ANGPTL3: variants seen among roughly 807,000 people sequenced by gnomAD.
The protein encoded by ANGPTL3 is angiopoietin-related protein 3.
ANGPTL3 carries 51 observed loss-of-function variants against 52.7 expected under a neutral mutation model. That is an observed-to-expected ratio of 0.97 (90% confidence interval 0.77 to 1.22). The LOEUF is 1.22. ANGPTL3 is among the 50% of genes most tolerant of loss of function. The pLI is 0.00. For missense variants in ANGPTL3, 506 were observed against 520.7 expected (o/e 0.97, Z 0.27); for synonymous variants, 185 against 179.8 (o/e 1.03, Z -0.23).
In ANGPTL3 at chr1:62,606,184, T is replaced by C. The variant is rs1650953862; in HGVS notation, c.*1367T>C. On this transcript the variant is annotated 3_prime_UTR_variant, in exon 7 of 7. Coordinates refer to ENST00000371129, the MANE Select transcript of ANGPTL3 (RefSeq NM_014495.4). ...ATTTTCAGGACCACAGACTAAGCTG[T>C]CGAAATTAACGCTGATTTTTTTAGG... 6.6e-6 allele frequency: 1 copy of C among 152,052 alleles called. No homozygotes were observed. The highest frequency in any genetic ancestry group is 6.6e-5 in the Admixed American group (1 of 15,260). 9.4% of individuals were successfully genotyped at this position (152,052 alleles called of 1,614,324 possible).
chr1:62,597,614 C>T lies in ANGPTL3; in HGVS notation c.48C>T (p.Ser16=), dbSNP rs1649450548. 1.9e-6 allele frequency: 3 copies of T among 1,612,856 alleles called. No individual in the cohort carries two copies. The highest frequency in any genetic ancestry group is 1.7e-5 in the Admixed American group (1 of 59,846). The part of the protein sequence containing the change: ...LLLFIVPLVI[S]SRIDQDNSSF... ...TTTTTATTGTTCCTCTAGTTATTTC[C>T]TCCAGAATTGATCAAGACAATTCAT... Residue 16 remains serine (S), a synonymous_variant, in exon 1 of 7, where the codon TCC becomes TCT. Transcript: ENST00000371129.
chr1:62,604,329 C>A, intron 6 of ANGPTL3, 94 bp downstream of exon 6: 1 of 1,485,386 alleles, frequency 6.7e-7, no homozygotes, highest in South Asian at 1.2e-5. Flanking sequence ...TTTTAAAAAT[C>A]CGAATCCCAA....
intron 5 of ANGPTL3, among the ~76,000 whole-genome samples, chr1:62,603,371 TTTG>T (rs1254160233): frequency 1.1e-4 from 16 of 151,836 alleles, no homozygotes; most frequent in African/African-American, 2.2e-4. Context: ...TCTATTTATA[TTTG>T]TTATTTGTTT....
intron 5 of ANGPTL3, 79 bp downstream of exon 5, chr1:62,602,459 T>TTACTG: frequency 8.1e-7 from 1 of 1,239,978 alleles, no homozygotes; most frequent in South Asian, 1.2e-5. Context: ...GACCAGGTAT[T>TTACTG]AGGAAAAGTA....
chr1:62,601,945 GA>G, intron 4 of ANGPTL3, 63 bp downstream of exon 4: 2 of 970,786 alleles, frequency 2.1e-6, no homozygotes, highest in East Asian at 4.8e-5. Flanking sequence ...GTATTAGGAA[GA>G]TTAACCTGGT....
intron 4 of ANGPTL3, 121 bp from the exon 5 acceptor site, chr1:62,602,164 C>T (rs1026012526): frequency 5.0e-6 from 4 of 799,764 alleles, no homozygotes; most frequent in Non-Finnish European, 8.1e-6. Flanking sequence ...AAATGTATTG[C>T]CATAACATTA....
intron 6 of ANGPTL3, 179 bp from the exon 7 acceptor site, chr1:62,604,454 A>T: frequency 1.1e-6 from 1 of 901,512 alleles, no homozygotes; most frequent in Non-Finnish European, 1.7e-6. Context: ...TTGGTAGTGT[A>T]TAGATTATTT....
chr1:62,602,687 AAGT>A (rs1215330423), intron 5 of ANGPTL3, among the ~76,000 whole-genome samples: 1 of 151,720 alleles, frequency 6.6e-6, no homozygotes, highest in African/African-American at 2.4e-5. Flanking sequence ...GTTATGTCAT[AAGT>A]AGTAACTGTT....
intron 4 of ANGPTL3, 128 bp downstream of exon 4, chr1:62,602,010 A>C: frequency 1.6e-6 from 1 of 627,852 alleles, no homozygotes; most frequent in Non-Finnish European, 2.8e-6. Flanking sequence ...TCGTATAAAT[A>C]TAATACTTTT....
Position 62,597,984 on chromosome 1 carries a change from T to C in ANGPTL3, c.418T>C (p.Tyr140His), listed in dbSNP as rs754954896. 1.3e-6 allele frequency: 2 copies of C among 1,561,758 alleles called. No homozygotes were observed. Among genetic ancestry groups the C allele is most frequent in the East Asian group, 4.5e-5 (2 of 44,358 alleles). Residue 140 changes from tyrosine (Y) to histidine (H), a missense_variant, in exon 1 of 7, where the codon TAT (tyrosine) becomes CAT (histidine). Coordinates refer to ENST00000371129, the MANE Select transcript of ANGPTL3 (RefSeq NM_014495.4). Reference sequence around the variant, plus strand: ...AATTCTACTTCAACAAAAAGTGAAATATTTAGAAGAGCAACTAACTAACTT... The same window carrying C: ...AATTCTACTTCAACAAAAAGTGAAACATTTAGAAGAGCAACTAACTAACTT... The part of the protein sequence containing the change: ...EKILLQQKVK[Y>H]LEEQLTNLIQ...
In ANGPTL3 at chr1:62,597,873, A is replaced by G; in HGVS notation, c.307A>G (p.Thr103Ala). 6.3e-7 allele frequency: 1 copy of G among 1,585,926 alleles called. No individual in the cohort carries two copies. Among genetic ancestry groups the G allele is most frequent in the South Asian group, 1.2e-5 (1 of 85,242 alleles). The stretch of plus-strand genomic sequence containing the variant: ...AGAAGAAAAGGAACTGAGAAGAACT[A>G]CATATAAACTACAAGTCAAAAATGA... ...KEEEKELRRT[T>A]YKLQVKNEEV... Residue 103 changes from threonine to alanine, a missense_variant, in exon 1 of 7, where the codon ACA becomes GCA. Thr to Ala is a moderately conservative substitution (Grantham distance 58, BLOSUM62 0). Transcript: ENST00000371129.
At chr1:62,600,010 T>C (rs540479324) in intron 2 of ANGPTL3, among the ~76,000 whole-genome samples, 125 of 152,110 alleles carry the variant, frequency 8.2e-4, no homozygotes, top group African/African-American at 2.9e-3. Flanking sequence ...CAAATATTAT[T>C]ACCAATTTCC....
In ANGPTL3 at chr1:62,604,989, ACC is replaced by A; in HGVS notation, c.*173_*174del. The stretch of plus-strand genomic sequence containing the variant: ...ATACAATCACATAACCTTAAAGAAT[ACC>A]GTTTACATTTCTCAATCAAAATTCT... On this transcript the variant is annotated 3_prime_UTR_variant, in exon 7 of 7. Coordinates refer to ENST00000371129, the MANE Select transcript of ANGPTL3 (RefSeq NM_014495.4). 1.6e-6 allele frequency: 1 copy of A among 641,104 alleles called. No individual in the cohort carries two copies. Among genetic ancestry groups the A allele is most frequent in the South Asian group, 2.2e-5 (1 of 46,014 alleles). The allele number at this position is 641,104 out of a possible 1,614,324, so 39.7% of individuals were successfully genotyped here.
In ANGPTL3 at chr1:62,604,750, G is replaced by T; in HGVS notation, c.1316G>T (p.Gly439Val). 2 of 1,613,096 alleles carry T rather than the reference G, an allele frequency of 1.2e-6. No individual in the cohort carries two copies. The highest frequency in any genetic ancestry group is 1.7e-4 in the Middle Eastern group (1 of 6,054). The change falls in exon 7 of 7, where the codon GGA becomes GTA. Residue 439 changes from glycine (G) to valine (V), a missense_variant. Physicochemically the swap from Gly to Val is moderately radical, Grantham distance 109. Coordinates refer to ENST00000371129, the MANE Select transcript of ANGPTL3 (RefSeq NM_014495.4). ...GGATTATCTTGGAAGTCTCAAAATG[G>T]AAGGTTATACTCTATAAAATCAACC... ...RRGLSWKSQN[G>V]RLYSIKSTKM...
In ANGPTL3 at chr1:62,597,677, T is replaced by C. The variant is rs756096244; in HGVS notation, c.111T>C (p.Phe37=). 1.2e-6 allele frequency: 2 copies of C among 1,613,454 alleles called. No homozygotes were observed. The highest frequency in any genetic ancestry group is 2.7e-5 in the African/African-American group (2 of 74,906). ...DSLSPEPKSR[F]AMLDDVKILA... Reference sequence around the variant, plus strand: ...TATCTCCAGAGCCAAAATCAAGATTTGCTATGTTAGACGATGTAAAAATTT... The same window carrying C: ...TATCTCCAGAGCCAAAATCAAGATTCGCTATGTTAGACGATGTAAAAATTT... Residue 37 remains phenylalanine (F), a synonymous_variant, in exon 1 of 7, where the codon TTT becomes TTC. Coordinates refer to ENST00000371129, the MANE Select transcript of ANGPTL3 (RefSeq NM_014495.4).
rs369364557 is a variant in ANGPTL3 at position 62,604,630 on chromosome 1, T to C, written c.1199-3T>C. On this transcript the variant is annotated splice_region_variant and splice_polypyrimidine_tract_variant and intron_variant, in intron 6 of 6. Coordinates refer to ENST00000371129, the MANE Select transcript of ANGPTL3 (RefSeq NM_014495.4). Reference sequence around the variant, plus strand: ...CATTAAATTGCATATCTATCTCCTTTAGGAGGCTGGTGGTGGCATGATGAG... The same window carrying C: ...CATTAAATTGCATATCTATCTCCTTCAGGAGGCTGGTGGTGGCATGATGAG... The C allele has an allele frequency of 3.1e-6, 5 of 1,612,902 alleles. No individual in the cohort carries two copies. Among genetic ancestry groups the C allele is most frequent in the Non-Finnish European group, 4.2e-6 (5 of 1,179,150 alleles).
intron 6 of ANGPTL3, 37 bp downstream of exon 6, chr1:62,604,272 C>T (rs773596516): frequency 1.2e-6 from 2 of 1,605,306 alleles, no homozygotes; most frequent in South Asian, 2.2e-5. Flanking sequence ...ATTTTCATAT[C>T]TTCAAAGTAT....
chr1:62,597,662 G>T lies in ANGPTL3; in HGVS notation c.96G>T (p.Glu32Asp). Residue 32 changes from glutamate to aspartate, a missense_variant, in exon 1 of 7, where the codon GAG (glutamate) becomes GAT (aspartate). Transcript: ENST00000371129. ...CATCATTTGATTCTCTATCTCCAGAGCCAAAATCAAGATTTGCTATGTTAG... is the reference window on the plus strand; with the variant it reads ...CATCATTTGATTCTCTATCTCCAGATCCAAAATCAAGATTTGCTATGTTAG... ...DNSSFDSLSP[E>D]PKSRFAMLDD... 6.2e-7 allele frequency: 1 copy of T among 1,613,358 alleles called. No individual in the cohort carries two copies.
At position 62,601,850 on chromosome 1, in the gene ANGPTL3, A is replaced by G; in HGVS notation, c.803A>G (p.Gln268Arg). ...GMYAIRPSNS[Q>R]VFHVYCDVIS... ...TATGCCATCAGACCCAGCAACTCTC[A>G]AGTTTTTCATGTCTACTGTGATGTT... The change falls in exon 4 of 7, where the codon CAA becomes CGA. Residue 268 changes from glutamine (Q) to arginine (R), a missense_variant. Physicochemically the swap from Gln to Arg is conservative, Grantham distance 43 (BLOSUM62 1). Transcript: ENST00000371129. 1 of 1,608,608 alleles carries G rather than the reference A, an allele frequency of 6.2e-7. No homozygotes were observed. The highest frequency in any genetic ancestry group is 1.1e-5 in the South Asian group (1 of 90,948).
Sources: allele counts gnomAD v4.1 joint callset (sites outside exome capture counted in the v4.1 genomes callset), GRCh38; gene constraint gnomAD v4.1.1; transcripts MANE v1.5; gene names NCBI Gene and HGNC (gene_info 2026-07-23, HGNC 2026-07-21).